The following IGF2R variants were observed in gnomAD, a reference collection of about 807,000 sequenced individuals.
IGF2R encodes the protein insulin like growth factor 2 receptor.
In IGF2R, 91 loss-of-function variants were observed where a neutral mutation model predicts 270.6. The observed-to-expected ratio is 0.34, with a 90% CI of 0.28 to 0.40. The LOEUF (loss-of-function observed/expected upper bound fraction) is 0.40. IGF2R is among the 10% of genes least tolerant of loss of function. The pLI is 1.00. For missense variants in IGF2R, 2,805 were observed against 3,188.3 expected (o/e 0.88, Z 2.90); for synonymous variants, 1,316 against 1,258.9 (o/e 1.05, Z -0.96).
At position 159,991,272 on chromosome 6, in the gene IGF2R, T is replaced by G; in HGVS notation, c.238T>G (p.Ser80Ala). ...TGTGGATATTGTCCAGTGCGGGCCATCAAGTGCTGTTTGTATGCACGACTT... is the reference window on the plus strand; with the variant it reads ...TGTGGATATTGTCCAGTGCGGGCCAGCAAGTGCTGTTTGTATGCACGACTT... ...GSVDIVQCGP[S>A]SAVCMHDLKT... is the part of the protein sequence containing the mutation. The change falls in exon 2 of 48, where the codon TCA becomes GCA. Residue 80 changes from serine to alanine, a missense_variant. Physicochemically the swap from Ser to Ala is moderately conservative, Grantham distance 99 (BLOSUM62 1). Around this residue, in one of 2 missense-constraint regions of IGF2R, gnomAD observed 954 missense variants for 981.1 expected, o/e 0.97. Transcript: ENST00000356956. 2 of 1,614,020 alleles carry G rather than the reference T, an allele frequency of 1.2e-6. No homozygotes were observed. The highest frequency in any genetic ancestry group is 1.1e-5 in the South Asian group (1 of 91,048).
At chr6:160,010,644 T>A in intron 3 of IGF2R, 43 bp from the exon 4 acceptor site, 1 of 1,120,888 alleles carries the variant, frequency 8.9e-7, no homozygotes, top group South Asian at 1.3e-5. Context: ...ATCTTTACAA[T>A]GTGTGGTATG....
chr6:160,000,330 G>A (rs1784108765), intron 2 of IGF2R, among the ~76,000 whole-genome samples: 1 of 152,146 alleles, frequency 6.6e-6, no homozygotes, highest in Admixed American at 6.5e-5. Flanking sequence ...TTCTTCACAT[G>A]GTGACAGGAG....
chr6:160,025,140 G>T (rs1337760930), intron 5 of IGF2R, among the ~76,000 whole-genome samples: 1 of 152,172 alleles, frequency 6.6e-6, no homozygotes, highest in Non-Finnish European at 1.5e-5. Flanking sequence ...CTCTGTACTT[G>T]CCAAAACTGG....
Position 160,070,367 on chromosome 6 carries a change from C to T in IGF2R, c.4443+309C>T, listed in dbSNP as rs563867812. Among the ~76,000 whole-genome samples the T allele has an allele frequency of 7.5e-4, 114 of 152,290 alleles. 1 individual carries two copies. The highest frequency in any genetic ancestry group is 2.6e-3 in the African/African-American group (109 of 41,558). Reference sequence around the variant, plus strand: ...TTGACTACATGCCCTTTTGTCTTCACGGCGGCAGCTTGGGAAGCACGAGAA... The same window carrying T: ...TTGACTACATGCCCTTTTGTCTTCATGGCGGCAGCTTGGGAAGCACGAGAA... On this transcript the variant is annotated intron_variant, in intron 31 of 47. Coordinates refer to ENST00000356956, the MANE Select transcript of IGF2R (RefSeq NM_000876.4).
intron 19 of IGF2R, among the ~76,000 whole-genome samples, chr6:160,052,366 C>T (rs1778218778): frequency 6.6e-6 from 1 of 152,118 alleles, no homozygotes; most frequent in African/African-American, 2.4e-5. Context: ...CCTAGGAATC[C>T]AACTTACAAG....
At chr6:160,060,410 C>T (rs113735868) in intron 22 of IGF2R, 137 bp from the exon 23 acceptor site, 4 of 766,522 alleles carry the variant, frequency 5.2e-6, no homozygotes, top group African/African-American at 3.4e-5. Flanking sequence ...ACACTTGGTG[C>T]CCTGGTGTCA....
At chr6:160,069,776 C>T (rs1049386131) in intron 30 of IGF2R, 92 bp from the exon 31 acceptor site, 7 of 1,139,994 alleles carry the variant, frequency 6.1e-6, no homozygotes, top group Non-Finnish European at 7.6e-6. Context: ...GTATGAAGTT[C>T]TGCAGCGTGT....
At chr6:160,076,879 A>T (rs1190446194) in intron 36 of IGF2R, among the ~76,000 whole-genome samples, 1 of 152,180 alleles carries the variant, frequency 6.6e-6, no homozygotes, top group East Asian at 1.9e-4. Context: ...CCTAATAAAG[A>T]TGTTGGATTC....
chr6:160,068,680 G>A (rs1778646626), intron 30 of IGF2R, among the ~76,000 whole-genome samples: 1 of 151,954 alleles, frequency 6.6e-6, no homozygotes, highest in African/African-American at 2.4e-5. Context: ...TTGAAAGCTG[G>A]CACTGGTGAG....
intron 10 of IGF2R, among the ~76,000 whole-genome samples, chr6:160,036,570 T>C (rs1777830964): frequency 6.6e-6 from 1 of 152,096 alleles, no homozygotes; most frequent in Non-Finnish European, 1.5e-5. Flanking sequence ...TTGGCCGAGA[T>C]CTTTGAGAGT....
Position 160,068,311 on chromosome 6 carries a change from C to G in IGF2R, c.4178C>G (p.Ala1393Gly). 1.1e-5 allele frequency: 17 copies of G among 1,614,236 alleles called. No homozygotes were observed. Among genetic ancestry groups the G allele is most frequent in the Non-Finnish European group, 1.4e-5 (17 of 1,180,032 alleles). Residue 1393 changes from alanine to glycine, a missense_variant, in exon 30 of 48, where the codon GCC (alanine) becomes GGC (glycine). Ala to Gly is a moderately conservative substitution (Grantham distance 60). Around this residue, in one of 2 missense-constraint regions of IGF2R, gnomAD observed 1,851 missense variants for 2,207.2 expected, o/e 0.84. Transcript: ENST00000356956. ...TCAAGGTACAGTGACAACTGGGAAGCCATCACTGGGACGGGGGACCCGGAG... is the reference window on the plus strand; with the variant it reads ...TCAAGGTACAGTGACAACTGGGAAGGCATCACTGGGACGGGGGACCCGGAG... Reference protein sequence around the residue: ...SLSRYSDNWEAITGTGDPEHY... With the variant: ...SLSRYSDNWEGITGTGDPEHY...
intron 23 of IGF2R, 29 bp from the exon 24 acceptor site, chr6:160,061,474 C>T (rs1193918619): frequency 7.4e-6 from 12 of 1,611,048 alleles, no homozygotes; most frequent in Admixed American, 1.7e-5. Flanking sequence ...AGGCAGAGTT[C>T]TCCAGCGTGG....
chr6:160,090,120 C>CA lies in IGF2R; in HGVS notation c.6655+18dup, dbSNP rs1231058483. ...ACCTTCAAGGTAATCCGTGGCTTCC[C>CA]ACAAAGTTCCACATTTAACTTCCTC... On this transcript the variant is annotated intron_variant, in intron 44 of 47. Transcript: ENST00000356956. The CA allele has an allele frequency of 2.1e-6, 3 of 1,418,964 alleles. No individual in the cohort carries two copies. The African/African-American group carries it at 4.4e-5, about 21-fold the overall frequency. 87.9% of individuals were successfully genotyped at this position (1,418,964 alleles called of 1,614,324 possible).
chr6:159,991,450 A>G (rs1783978458), intron 2 of IGF2R, 127 bp downstream of exon 2: 7 of 707,206 alleles, frequency 9.9e-6, no homozygotes, highest in African/African-American at 3.6e-5. Flanking sequence ...ATAAGTGTTT[A>G]TAATACATAA....
At position 160,066,076 on chromosome 6, in the gene IGF2R, G is replaced by A. The variant is rs187264738; in HGVS notation, c.4115+1175G>A. 2.1e-3 allele frequency among the ~76,000 whole-genome samples: 316 copies of A among 148,950 alleles called. 3 individuals carry two copies. In the South Asian group the frequency reaches 0.023, roughly 11 times the overall value. Reference sequence around the variant, plus strand: ...GTCGCCCAGGCTGGAGTGCAGTGGCGTGATCTCGACTCACTGCAACCTCCG... The same window carrying A: ...GTCGCCCAGGCTGGAGTGCAGTGGCATGATCTCGACTCACTGCAACCTCCG... On this transcript the variant is annotated intron_variant, in intron 29 of 47. Transcript: ENST00000356956.
chr6:160,105,150 T>C lies in IGF2R; in HGVS notation c.*66T>C. On this transcript the variant is annotated 3_prime_UTR_variant, in exon 48 of 48. Transcript: ENST00000356956. ...CCAAGCACCTCCAACCAAATAAGAC[T>C]TCCACTCGATGATGCTTCTATAATT... 1.5e-6 allele frequency: 2 copies of C among 1,317,594 alleles called. No homozygotes were observed. The highest frequency in any genetic ancestry group is 2.0e-6 in the Non-Finnish European group (2 of 977,078). The allele number at this position is 1,317,594 out of a possible 1,614,324, so 81.6% of individuals were successfully genotyped here.
chr6:160,021,299 T>C (rs1293880907), intron 4 of IGF2R, among the ~76,000 whole-genome samples: 1 of 151,732 alleles, frequency 6.6e-6, no homozygotes, highest in East Asian at 1.9e-4. Context: ...TGTAGGGACA[T>C]GAATGAAACT....
Position 160,079,802 on chromosome 6 carries a change from T to C in IGF2R, c.5686+15T>C, listed in dbSNP as rs753902059. On this transcript the variant is annotated intron_variant, in intron 38 of 47. Transcript: ENST00000356956. ...TTGCCCTCCAGGTAAATATTTGCAA[T>C]GAGGTAAATAAACTTCAAGCTCATA... 1.4e-6 allele frequency: 2 copies of C among 1,443,696 alleles called. No individual in the cohort carries two copies. The highest frequency in any genetic ancestry group is 1.8e-6 in the Non-Finnish European group (2 of 1,091,406). The allele number at this position is 1,443,696 out of a possible 1,614,324, so 89.4% of individuals were successfully genotyped here.
chr6:160,062,027 G>C, intron 25 of IGF2R, 99 bp downstream of exon 25: 1 of 1,170,706 alleles, frequency 8.5e-7, no homozygotes, highest in East Asian at 2.4e-5. Flanking sequence ...AAACTTGCCT[G>C]TGTTTTCGTG....
Sources: gnomAD v4.1 joint callset for allele counts (sites outside exome capture counted in the v4.1 genomes callset) on GRCh38, gnomAD v4.1.1 for gene constraint, gnomAD v4.1.1 regional missense constraint, MANE v1.5 for transcripts, NCBI Gene and HGNC (gene_info 2026-07-23, HGNC 2026-07-21) for gene names.